Variants in AGBL4 observed in about 807,000 individuals in gnomAD.
The protein encoded by AGBL4 is cytosolic carboxypeptidase 6.
In AGBL4, 58 loss-of-function variants were observed where a neutral mutation model predicts 66.4. The observed-to-expected ratio is 0.87, with a 90% CI of 0.71 to 1.09. The LOEUF is 1.09. AGBL4 is among the 50% of genes least tolerant of loss of function. AGBL4 has a pLI of 0.00. For missense variants in AGBL4, 579 were observed against 631.0 expected (o/e 0.92, Z 0.88); for synonymous variants, 234 against 222.9 (o/e 1.05, Z -0.44).
chr1:49,034,879 G>A (rs948801963), intron 5 of AGBL4, among the ~76,000 whole-genome samples: 6 of 151,990 alleles, frequency 3.9e-5, no homozygotes, highest in African/African-American at 7.3e-5. Context: ...TATTATCAGC[G>A]TGAAAATGGG....
intron 6 of AGBL4, among the ~76,000 whole-genome samples, chr1:48,795,288 C>A (rs931768918): frequency 2.6e-5 from 4 of 152,164 alleles, no homozygotes; most frequent in Non-Finnish European, 1.5e-5. Context: ...CCTATACAAT[C>A]TCTACCCCCT....
At chr1:49,624,513 C>G (rs1296114861) in intron 3 of AGBL4, among the ~76,000 whole-genome samples, 1 of 152,096 alleles carries the variant, frequency 6.6e-6, no homozygotes, top group Non-Finnish European at 1.5e-5. Flanking sequence ...ATAGTGGTAG[C>G]CAATCAAATG....
chr1:49,961,972 A>G (rs913098640), intron 1 of AGBL4, among the ~76,000 whole-genome samples: 1 of 152,180 alleles, frequency 6.6e-6, no homozygotes, highest in African/African-American at 2.4e-5. Flanking sequence ...TTTGGAGATC[A>G]AGTACCAATT....
intron 3 of AGBL4, among the ~76,000 whole-genome samples, chr1:49,571,142 G>A (rs1365034954): frequency 2.0e-5 from 3 of 150,954 alleles, no homozygotes; most frequent in Non-Finnish European, 3.0e-5. Flanking sequence ...TTTGTATTAT[G>A]AGAAAGATTG....
intron 6 of AGBL4, among the ~76,000 whole-genome samples, chr1:48,726,325 G>A (rs1386043611): frequency 1.3e-5 from 2 of 152,120 alleles, no homozygotes; most frequent in East Asian, 1.9e-4. Flanking sequence ...GAGAGAAAAG[G>A]GGATGAGCTC....
chr1:49,842,290 A>G (rs1231417155), intron 2 of AGBL4: 5 of 473,256 alleles, frequency 1.1e-5, no homozygotes, highest in Admixed American at 7.8e-5. Context: ...TGGTCTCTGT[A>G]GGACATTGGT....
chr1:49,851,596 C>T lies in AGBL4; in HGVS notation c.35-78G>A, dbSNP rs555629189. 2.2e-4 allele frequency: 308 copies of T among 1,419,570 alleles called. 1 individual carries two copies. The African/African-American group carries it at 4.2e-3, about 20-fold the overall frequency. The allele number at this position is 1,419,570 out of a possible 1,614,324, so 87.9% of individuals were successfully genotyped here. A position where few individuals can be genotyped will look rare whatever the true frequency, so the allele number is the denominator to read the frequency against. ...AGTCAGATTTTTACTGTTAATTACC[C>T]CTTCCCTAGTCACCAAGTGTTAACC... On this transcript the variant is annotated intron_variant, in intron 1 of 13. Transcript: ENST00000371839.
At chr1:49,540,829 G>A (rs1446046776) in intron 3 of AGBL4, among the ~76,000 whole-genome samples, 2 of 152,018 alleles carry the variant, frequency 1.3e-5, no homozygotes, top group African/African-American at 4.8e-5. Flanking sequence ...ATTAAGCTAA[G>A]TCCAATCTTT....
chr1:49,265,840 G>C (rs1643907773), intron 3 of AGBL4, among the ~76,000 whole-genome samples: 1 of 151,928 alleles, frequency 6.6e-6, no homozygotes, highest in South Asian at 2.1e-4. Flanking sequence ...CGTGTGTATA[G>C]ACACATATGT....
intron 4 of AGBL4, among the ~76,000 whole-genome samples, chr1:49,199,987 GA>G (rs1164337818): frequency 6.6e-6 from 1 of 152,140 alleles, no homozygotes; most frequent in African/African-American, 2.4e-5. Context: ...GGGCAGATAT[GA>G]CAAGCTCTGG....
chr1:48,869,484 T>A (rs2148826771), intron 5 of AGBL4, among the ~76,000 whole-genome samples: 1 of 152,334 alleles, frequency 6.6e-6, no homozygotes, highest in South Asian at 2.1e-4. Flanking sequence ...GAAGATGGCC[T>A]ATTTGTCTGA....
intron 1 of AGBL4, among the ~76,000 whole-genome samples, chr1:50,008,672 T>C (rs977240400): frequency 2.6e-5 from 4 of 151,488 alleles, no homozygotes; most frequent in Non-Finnish European, 4.4e-5. Context: ...AGAAGAAATA[T>C]ATGAAATTGA....
At chr1:49,108,449 C>T (rs1388357021) in intron 4 of AGBL4, among the ~76,000 whole-genome samples, 1 of 152,100 alleles carries the variant, frequency 6.6e-6, no homozygotes, top group African/African-American at 2.4e-5. Flanking sequence ...GTGGGGGAAT[C>T]TCTGTTTAAT....
At chr1:49,079,604 C>T (rs1397170247) in intron 4 of AGBL4, among the ~76,000 whole-genome samples, 1 of 152,136 alleles carries the variant, frequency 6.6e-6, no homozygotes, top group Non-Finnish European at 1.5e-5. Flanking sequence ...ATGGGGATTA[C>T]AATTTGAGAT....
chr1:49,894,357 A>G (rs1214530280), intron 1 of AGBL4, among the ~76,000 whole-genome samples: 2 of 152,084 alleles, frequency 1.3e-5, no homozygotes, highest in Non-Finnish European at 2.9e-5. Context: ...GGAAAATACG[A>G]CTCTACCAAA....
chr1:49,038,476 A>T (rs1664840566), intron 5 of AGBL4, among the ~76,000 whole-genome samples: 1 of 152,108 alleles, frequency 6.6e-6, no homozygotes, highest in African/African-American at 2.4e-5. Context: ...ATAGGAAAGA[A>T]AAAACAAAAC....
At chr1:48,712,175 G>A (rs79417557) in intron 6 of AGBL4, among the ~76,000 whole-genome samples, 3,287 of 152,258 alleles carry the variant, frequency 0.022, 125 homozygotes, top group African/African-American at 0.073. Context: ...TCTGAAGCAA[G>A]CTTTAGTGTG....
chr1:49,385,592 T>A (rs1028988944), intron 3 of AGBL4, among the ~76,000 whole-genome samples: 1 of 152,056 alleles, frequency 6.6e-6, no homozygotes, highest in African/African-American at 2.4e-5. Flanking sequence ...TTAAAGAAGG[T>A]TGTATATTAA....
chr1:49,939,026 A>C (rs962845512), intron 1 of AGBL4, among the ~76,000 whole-genome samples: 1 of 152,028 alleles, frequency 6.6e-6, no homozygotes, highest in African/African-American at 2.4e-5. Context: ...AAATCAATGT[A>C]CAAAAATCAC....
Sources: gnomAD v4.1 joint callset for allele counts (sites outside exome capture counted in the v4.1 genomes callset) on GRCh38, gnomAD v4.1.1 for gene constraint, MANE v1.5 for transcripts, NCBI Gene and HGNC (gene_info 2026-07-23, HGNC 2026-07-21) for gene names.